Variants in TRPM3 observed in about 807,000 individuals in gnomAD.
TRPM3 encodes long transient receptor potential channel 3.
Under a neutral mutation model 181.2 loss-of-function variants are expected in TRPM3, and 77 were observed. That is an observed-to-expected ratio of 0.42 (90% CI 0.35 to 0.51). The LOEUF (loss-of-function observed/expected upper bound fraction) is 0.51, where lower values mean the gene tolerates loss of function less well. TRPM3 is among the 20% of genes least tolerant of loss of function. The pLI, the probability that TRPM3 is intolerant of heterozygous loss-of-function variation, is 0.01. For synonymous variants in TRPM3, 745 were observed against 796.4 expected, an observed-to-expected ratio of 0.94 and a Z score of 1.09; for missense variants, 1,759 against 2,196.7, an observed-to-expected ratio of 0.80 and a Z score of 3.98.
chr9:71,432,859 T>G (rs1015933315), intron 1 of TRPM3, among the ~76,000 whole-genome samples: 2 of 152,142 alleles, frequency 1.3e-5, no homozygotes, highest in African/African-American at 4.8e-5. Context: ...CAATAAATCT[T>G]GAAGGGCTTC....
Position 70,601,004 on chromosome 9 carries a change from C to T in TRPM3, c.2797-2334G>A, listed in dbSNP as rs1178330725. Among the ~76,000 whole-genome samples the T allele has an allele frequency of 3.3e-5, 5 of 152,180 alleles. No homozygotes were observed. The East Asian group carries it at 9.6e-4, about 29-fold the overall frequency. On this transcript the variant is annotated intron_variant, in intron 20 of 25. Transcript: ENST00000677713. Reference sequence around the variant, plus strand: ...GCCTCCTCCACCTCTCGAACCAGCCCTCAGGCACCTGTCTTAGAACCCTGG... The same window carrying T: ...GCCTCCTCCACCTCTCGAACCAGCCTTCAGGCACCTGTCTTAGAACCCTGG...
intron 1 of TRPM3, among the ~76,000 whole-genome samples, chr9:71,053,692 G>A (rs1165345348): frequency 6.6e-6 from 1 of 152,116 alleles, no homozygotes; most frequent in Non-Finnish European, 1.5e-5. Context: ...CATGGACTTG[G>A]CAGCAGATGC....
intron 1 of TRPM3, among the ~76,000 whole-genome samples, chr9:71,432,423 T>TA (rs2093971766): frequency 6.6e-6 from 1 of 150,742 alleles, no homozygotes; most frequent in East Asian, 2.0e-4. Context: ...TAATATGAAT[T>TA]AAGCTCTTGT....
intron 9 of TRPM3, among the ~76,000 whole-genome samples, chr9:70,653,685 A>C (rs1325270247): frequency 6.6e-6 from 1 of 151,304 alleles, no homozygotes; most frequent in African/African-American, 2.4e-5. Context: ...CTCAAAAAAA[A>C]AAAAAAAAAA....
At chr9:70,567,721 C>T (rs976484635) in intron 22 of TRPM3, among the ~76,000 whole-genome samples, 1 of 151,526 alleles carries the variant, frequency 6.6e-6, no homozygotes, top group South Asian at 2.1e-4. Context: ...TGGGCTTTTT[C>T]CACTTATATC....
chr9:70,844,338 A>G (rs900556095), intron 4 of TRPM3, among the ~76,000 whole-genome samples: 2 of 152,224 alleles, frequency 1.3e-5, no homozygotes, highest in African/African-American at 4.8e-5. Context: ...GTAAATGGCC[A>G]TTAATCATGT....
intron 11 of TRPM3, 26 bp downstream of exon 11, chr9:70,639,033 AT>A: frequency 6.2e-7 from 1 of 1,607,358 alleles, no homozygotes; most frequent in Non-Finnish European, 8.5e-7. Flanking sequence ...AAAAAAGAAA[AT>A]AAAAAGTGCC....
At chr9:70,989,242 T>C (rs2097452873) in intron 1 of TRPM3, among the ~76,000 whole-genome samples, 1 of 152,234 alleles carries the variant, frequency 6.6e-6, no homozygotes, top group African/African-American at 2.4e-5. Context: ...ACACCTAAGC[T>C]TATATCTATA....
At chr9:71,048,141 A>G (rs944283352) in intron 1 of TRPM3, among the ~76,000 whole-genome samples, 2 of 152,328 alleles carry the variant, frequency 1.3e-5, no homozygotes, top group Admixed American at 6.5e-5. Context: ...CAAAACCACA[A>G]TTACTTTTGC....
chr9:70,661,798 G>T (rs921004019), intron 9 of TRPM3, among the ~76,000 whole-genome samples: 1 of 152,002 alleles, frequency 6.6e-6, no homozygotes, highest in Non-Finnish European at 1.5e-5. Flanking sequence ...ATGGAAATAA[G>T]TTCCATGGCC....
At chr9:71,133,227 A>C (rs866785539) in intron 1 of TRPM3, among the ~76,000 whole-genome samples, 1 of 150,310 alleles carries the variant, frequency 6.7e-6, no homozygotes, top group Non-Finnish European at 1.5e-5. Context: ...TGTGTTATAC[A>C]TTTATCTGGT....
intron 1 of TRPM3, among the ~76,000 whole-genome samples, chr9:71,174,373 C>T (rs994417551): frequency 2.0e-5 from 3 of 152,100 alleles, no homozygotes; most frequent in African/African-American, 7.2e-5. Context: ...AAAACCCAGT[C>T]TCTACTAAAA....
intron 1 of TRPM3, among the ~76,000 whole-genome samples, chr9:71,413,280 T>C (rs904298161): frequency 2.6e-5 from 4 of 152,020 alleles, no homozygotes; most frequent in Non-Finnish European, 5.9e-5. Flanking sequence ...ATAACTCATA[T>C]TTATTGAGTA....
chr9:70,823,381 C>T (rs1378971710), intron 6 of TRPM3, among the ~76,000 whole-genome samples: 1 of 113,672 alleles, frequency 8.8e-6, no homozygotes, highest in Non-Finnish European at 1.8e-5. Context: ...TTAGAATAAG[C>T]TCCAACTCTT....
intron 1 of TRPM3, among the ~76,000 whole-genome samples, chr9:71,005,360 C>G (rs568437152): frequency 6.6e-6 from 1 of 151,728 alleles, no homozygotes; most frequent in Non-Finnish European, 1.5e-5. Flanking sequence ...GAGCTGAGAT[C>G]GCACCATTGT....
chr9:71,201,756 T>A (rs1269413588), intron 1 of TRPM3, among the ~76,000 whole-genome samples: 1 of 152,124 alleles, frequency 6.6e-6, no homozygotes, highest in East Asian at 1.9e-4. Flanking sequence ...GAATTGAACT[T>A]CTTTGCCTTT....
At chr9:71,013,921 C>T (rs1368027719) in intron 1 of TRPM3, among the ~76,000 whole-genome samples, 1 of 151,930 alleles carries the variant, frequency 6.6e-6, no homozygotes, top group East Asian at 1.9e-4. Flanking sequence ...TTTTCTGCCA[C>T]ATTCATTCCT....
chr9:70,699,592 C>T (rs972295942), intron 8 of TRPM3, among the ~76,000 whole-genome samples: 3 of 152,196 alleles, frequency 2.0e-5, no homozygotes, highest in Non-Finnish European at 4.4e-5. Flanking sequence ...TTAATCCTCA[C>T]ACCAATCCTG....
intron 1 of TRPM3, among the ~76,000 whole-genome samples, chr9:71,369,333 T>C (rs552904335): frequency 6.6e-6 from 1 of 152,224 alleles, no homozygotes; most frequent in South Asian, 2.1e-4. Context: ...TATTAAAAAA[T>C]CAGAGGATAT....
Sources: allele counts gnomAD v4.1 joint callset (sites outside exome capture counted in the v4.1 genomes callset), GRCh38; gene constraint gnomAD v4.1.1; transcripts MANE v1.5; gene names NCBI Gene and HGNC (gene_info 2026-07-23, HGNC 2026-07-21).